SCAPER: variants seen among roughly 807,000 people sequenced by gnomAD.
SCAPER encodes S-phase cyclin A associated protein in the ER, also known as S phase cyclin A-associated protein in the endoplasmic reticulum.
A neutral mutation model predicts 182.2 loss-of-function variants in SCAPER; 98 were observed. The ratio of observed to expected loss-of-function variants is 0.54; its 90% CI spans 0.46 to 0.64. The LOEUF (loss-of-function observed/expected upper bound fraction) is 0.64, where lower values mean the gene tolerates loss of function less well. Ranked by LOEUF, SCAPER falls within the 30% of genes least tolerant of loss-of-function variation. The probability of loss-of-function intolerance (pLI) is 0.00; values close to 1 mark genes in which losing one functional copy is unlikely to be tolerated. For missense variants in SCAPER, 1,432 were observed against 1,690.0 expected, an observed-to-expected ratio of 0.85 and a Z score of 2.68; for synonymous variants, 605 against 564.6, an observed-to-expected ratio of 1.07 and a Z score of -1.01.
chr15:76,742,466 T>TAAAAAAAAAAAAAAAAA (rs55751202), intron 15 of SCAPER, among the ~76,000 whole-genome samples: 2 of 37,024 alleles, frequency 5.4e-5, no homozygotes, highest in African/African-American at 2.0e-4. Flanking sequence ...TGTCTTTTCC[T>TAAAAAAAAAAAAAAAAA]AAAAAAAAAA....
At chr15:76,367,625 A>G (rs981448477) in intron 29 of SCAPER, among the ~76,000 whole-genome samples, 4 of 152,162 alleles carry the variant, frequency 2.6e-5, no homozygotes, top group African/African-American at 9.7e-5. Context: ...CAGGCAAGCC[A>G]GGAGTTCCTT....
intron 23 of SCAPER, among the ~76,000 whole-genome samples, chr15:76,518,955 T>G (rs1240452817): frequency 6.6e-6 from 1 of 152,252 alleles, no homozygotes; most frequent in African/African-American, 2.4e-5. Context: ...CACTGAATTC[T>G]AACTTTAGAG....
intron 26 of SCAPER, among the ~76,000 whole-genome samples, chr15:76,426,549 T>A (rs1253045586): frequency 6.6e-6 from 1 of 152,200 alleles, no homozygotes; most frequent in Non-Finnish European, 1.5e-5. Flanking sequence ...GAGAATTTTT[T>A]TTTATAAAAA....
At chr15:76,893,280 C>T (rs2074257531) in intron 1 of SCAPER, among the ~76,000 whole-genome samples, 1 of 152,024 alleles carries the variant, frequency 6.6e-6, no homozygotes, top group Admixed American at 6.6e-5. Flanking sequence ...ACCTGTGTAA[C>T]AAATCTGCAC....
chr15:76,425,719 GCT>G (rs1288273242), intron 26 of SCAPER, among the ~76,000 whole-genome samples: 1 of 152,142 alleles, frequency 6.6e-6, no homozygotes, highest in Non-Finnish European at 1.5e-5. Flanking sequence ...CAGCTTTTCT[GCT>G]CTGTTTTTTT....
At chr15:76,652,835 T>C (rs990689146) in intron 21 of SCAPER, among the ~76,000 whole-genome samples, 2 of 151,888 alleles carry the variant, frequency 1.3e-5, no homozygotes, top group African/African-American at 4.8e-5. Context: ...ACTCCCACTC[T>C]CACCACTCCT....
At chr15:76,405,785 T>C (rs1327745939) in intron 26 of SCAPER, among the ~76,000 whole-genome samples, 1 of 152,196 alleles carries the variant, frequency 6.6e-6, no homozygotes, top group Non-Finnish European at 1.5e-5. Context: ...CAAATCAACA[T>C]GTTAACTTTC....
At chr15:76,486,273 C>T (rs115799012) in intron 24 of SCAPER, among the ~76,000 whole-genome samples, 2 of 152,166 alleles carry the variant, frequency 1.3e-5, no homozygotes, top group African/African-American at 4.8e-5. Flanking sequence ...TGGAAGACAA[C>T]CTAGGCAATA....
intron 24 of SCAPER, among the ~76,000 whole-genome samples, chr15:76,486,638 G>A (rs1397661245): frequency 6.6e-6 from 1 of 152,138 alleles, no homozygotes; most frequent in African/African-American, 2.4e-5. Context: ...AAATCACAAT[G>A]AGATACCATC....
chr15:76,352,946 C>A (rs2040683521), intron 30 of SCAPER, among the ~76,000 whole-genome samples: 1 of 151,500 alleles, frequency 6.6e-6, no homozygotes, highest in Admixed American at 6.6e-5. Context: ...TCAAACAGAA[C>A]AATTAAGCCG....
chr15:76,883,686 G>A, intron 2 of SCAPER, 126 bp downstream of exon 2: 1 of 804,694 alleles, frequency 1.2e-6, no homozygotes. Context: ...CTTTATCACT[G>A]TGCTTTATGA....
chr15:76,757,775 T>C (rs1199471976), intron 14 of SCAPER, among the ~76,000 whole-genome samples: 5 of 152,174 alleles, frequency 3.3e-5, no homozygotes, highest in Non-Finnish European at 5.9e-5. Context: ...TACTTGCCTC[T>C]TGTCATTTTG....
intron 21 of SCAPER, among the ~76,000 whole-genome samples, chr15:76,662,013 G>C (rs1173581902): frequency 6.6e-6 from 1 of 152,166 alleles, no homozygotes; most frequent in African/African-American, 2.4e-5. Flanking sequence ...AAAAAGGAAT[G>C]AGATCAGGTC....
At chr15:76,565,630 A>G (rs1211801308) in intron 23 of SCAPER, among the ~76,000 whole-genome samples, 1 of 152,122 alleles carries the variant, frequency 6.6e-6, no homozygotes, top group Non-Finnish European at 1.5e-5. Flanking sequence ...AAAACAAAAT[A>G]CACAACACTT....
At chr15:76,515,056 G>C (rs1019388447) in intron 23 of SCAPER, among the ~76,000 whole-genome samples, 1 of 152,204 alleles carries the variant, frequency 6.6e-6, no homozygotes, top group African/African-American at 2.4e-5. Context: ...AAAACATACT[G>C]TGGGAAGGTG....
chr15:76,369,990 C>G (rs910132191), intron 29 of SCAPER, among the ~76,000 whole-genome samples: 1 of 152,192 alleles, frequency 6.6e-6, no homozygotes, highest in Admixed American at 6.5e-5. Context: ...TGGGCTCCCT[C>G]TACTAATAGT....
chr15:76,609,816 G>C (rs1363795228), intron 22 of SCAPER, among the ~76,000 whole-genome samples: 2 of 152,198 alleles, frequency 1.3e-5, no homozygotes, highest in Admixed American at 6.5e-5. Context: ...ATAATTCTAT[G>C]ATTAGGTCTC....
chr15:76,457,533 T>C (rs566573879), intron 25 of SCAPER, among the ~76,000 whole-genome samples: 5 of 152,330 alleles, frequency 3.3e-5, no homozygotes, highest in Non-Finnish European at 5.9e-5. Flanking sequence ...TAATTTACCA[T>C]TGGCTTCTAA....
intron 23 of SCAPER, among the ~76,000 whole-genome samples, chr15:76,551,845 T>C (rs1489084452): frequency 6.6e-6 from 1 of 152,110 alleles, no homozygotes; most frequent in Non-Finnish European, 1.5e-5. Context: ...GTCAATTATA[T>C]ATAAAATACA....
Sources: gnomAD v4.1 joint callset for allele counts (sites outside exome capture counted in the v4.1 genomes callset) on GRCh38, gnomAD v4.1.1 for gene constraint, MANE v1.5 for transcripts, NCBI Gene and HGNC (gene_info 2026-07-23, HGNC 2026-07-21) for gene names.